ATM: variants seen among roughly 807,000 people sequenced by gnomAD.
The protein encoded by ATM is ATM serine/threonine kinase.
Under a neutral mutation model 387.0 loss-of-function variants are expected in ATM, and 308 were observed. That is an observed-to-expected ratio of 0.80 (90% CI 0.73 to 0.87). ATM has a LOEUF of 0.87. ATM is among the 40% of genes least tolerant of loss of function. The pLI is 0.00. For missense variants in ATM, 3,312 were observed against 3,560.9 expected (o/e 0.93, Z 1.78); for synonymous variants, 1,156 against 1,187.3 (o/e 0.97, Z 0.54).
At chr11:108,289,523 G>T in intron 28 of ATM, 79 bp from the exon 29 acceptor site, 1 of 1,078,034 alleles carries the variant, frequency 9.3e-7, no homozygotes, top group South Asian at 1.7e-5. Flanking sequence ...TCAAATATTT[G>T]AAGAAAAAAT....
intron 37 of ATM, among the ~76,000 whole-genome samples, chr11:108,306,470 A>C (rs1212934865): frequency 6.6e-6 from 1 of 152,250 alleles, no homozygotes; most frequent in East Asian, 1.9e-4. Context: ...TTTTTATTAC[A>C]TAGTTTAAGG....
At chr11:108,273,671 G>A (rs910494710) in intron 22 of ATM, among the ~76,000 whole-genome samples, 2 of 152,066 alleles carry the variant, frequency 1.3e-5, no homozygotes, top group Non-Finnish European at 2.9e-5. Flanking sequence ...TTATGTGATG[G>A]ATTATGTTTA....
chr11:108,356,449 T>G (rs2089930162), intron 61 of ATM, among the ~76,000 whole-genome samples: 1 of 149,954 alleles, frequency 6.7e-6, no homozygotes, highest in Non-Finnish European at 1.5e-5. Context: ...GGCAGGAGAA[T>G]CGCTTGAACC....
In ATM at chr11:108,316,128, A is replaced by G. The variant is rs746410206; in HGVS notation, c.6198+15A>G. On this transcript the variant is annotated intron_variant, in intron 42 of 62. Transcript: ENST00000675843. ...GAATCATTCAGGTACATTTTTTCCC[A>G]GATTTGGTAAAGCCATCACTAGTGT... is the stretch of plus-strand genomic sequence containing the variant. 6.2e-7 allele frequency: 1 copy of G among 1,610,254 alleles called. No homozygotes were observed. The highest frequency in any genetic ancestry group is 8.5e-7 in the Non-Finnish European group (1 of 1,176,624).
chr11:108,235,040 T>A (rs1305003730), intron 4 of ATM, among the ~76,000 whole-genome samples: 1 of 152,150 alleles, frequency 6.6e-6, no homozygotes, highest in Non-Finnish European at 1.5e-5. Context: ...AAGGTTATAA[T>A]TGTTTAAGAA....
chr11:108,313,183 CTTTGT>C (rs924804931), intron 40 of ATM, among the ~76,000 whole-genome samples: 16 of 152,302 alleles, frequency 1.1e-4, no homozygotes, highest in African/African-American at 3.8e-4. Flanking sequence ...TCTTCCTGTG[CTTTGT>C]TTTTTTATCT....
At position 108,309,189 on chromosome 11, in the gene ATM, A is replaced by T. The variant is rs4988066; in HGVS notation, c.5763-971A>T. 3.7e-3 allele frequency: 2,062 copies of T among 562,304 alleles called. 40 individuals are homozygous for T. Among genetic ancestry groups the T allele is most frequent in the African/African-American group, 0.035 (1,857 of 53,424 alleles). 34.8% of individuals were successfully genotyped at this position (562,304 alleles called of 1,614,324 possible). ...ACAGTATGTTGGGCAAAAACAAAGA[A>T]CAACAATAAAACAACAACAACAAAA... On this transcript the variant is annotated intron_variant, in intron 38 of 62. Transcript: ENST00000675843.
In ATM at chr11:108,335,076, T is replaced by C. The variant is rs1057520990; in HGVS notation, c.8118T>C (p.Gly2706=). 1 of 1,614,102 alleles carries C rather than the reference T, an allele frequency of 6.2e-7. No individual in the cohort carries two copies. Among genetic ancestry groups the C allele is most frequent in the African/African-American group, 1.3e-5 (1 of 75,042 alleles). The change falls in exon 55 of 63, where the codon GGT becomes GGC. Residue 2706 remains glycine, a synonymous_variant. Coordinates refer to ENST00000675843, the MANE Select transcript of ATM (RefSeq NM_000051.4). ...VNLPKIIDCV[G]SDGKERRQLV... is the part of the protein sequence containing the mutation. ...TACCAAAAATAATAGATTGTGTAGGTTCCGATGGCAAGGAGAGGAGACAGC... is the reference window on the plus strand; with the variant it reads ...TACCAAAAATAATAGATTGTGTAGGCTCCGATGGCAAGGAGAGGAGACAGC...
intron 26 of ATM, chr11:108,287,376 T>C (rs1190127468): frequency 1.4e-5 from 5 of 359,740 alleles, no homozygotes; most frequent in African/African-American, 4.2e-5. Context: ...TAAGGGGGCC[T>C]TGTTTGGCTG....
At chr11:108,257,404 A>AT in intron 14 of ATM, 77 bp from the exon 15 acceptor site, 1 of 1,548,134 alleles carries the variant, frequency 6.5e-7, no homozygotes, top group Non-Finnish European at 8.8e-7. Flanking sequence ...TATGTCCAAG[A>AT]TCAAAGTACA....
intron 40 of ATM, among the ~76,000 whole-genome samples, chr11:108,313,440 A>G (rs2084342238): frequency 6.6e-6 from 1 of 152,128 alleles, no homozygotes; most frequent in Non-Finnish European, 1.5e-5. Context: ...TTCCAGTAAA[A>G]TAGCACTTGC....
At chr11:108,223,598 G>T (rs2078594645) in intron 1 of ATM, 1 of 152,224 alleles carries the variant, frequency 6.6e-6, no homozygotes, top group African/African-American at 2.4e-5. Flanking sequence ...TGTCAGTCGT[G>T]TGGCCGCTCT....
In ATM at chr11:108,287,771, G is replaced by T. The variant is rs555315909; in HGVS notation, c.4109+56G>T. The T allele has an allele frequency of 2.7e-5, 34 of 1,267,086 alleles. No individual in the cohort carries two copies. The South Asian group carries it at 3.2e-4, about 12-fold the overall frequency. 78.5% of individuals were successfully genotyped at this position (1,267,086 alleles called of 1,614,324 possible). On this transcript the variant is annotated intron_variant, in intron 27 of 62. Coordinates refer to ENST00000675843, the MANE Select transcript of ATM (RefSeq NM_000051.4). ...TCTAACTTCACAAGTTTTTAAAGAAGTTTATTGGTTGACACCTTCAATGTC... is the reference window on the plus strand; with the variant it reads ...TCTAACTTCACAAGTTTTTAAAGAATTTTATTGGTTGACACCTTCAATGTC...
chr11:108,317,618 TA>T (rs2084819895), intron 43 of ATM, 97 bp downstream of exon 43: 2 of 26,754 alleles, frequency 7.5e-5, no homozygotes, highest in African/African-American at 1.2e-4. Context: ...AGTTGTTTTA[TA>T]TATATATATA....
At position 108,345,918 on chromosome 11, in the gene ATM, T is replaced by C. The variant is rs373321041; in HGVS notation, c.8584+10T>C. ...GCTACTTCTTCTATTGGTAATCTTC[T>C]TGTACATATAGTAGATTGAGCACTT... is the stretch of plus-strand genomic sequence containing the variant. On this transcript the variant is annotated intron_variant, in intron 58 of 62. Coordinates refer to ENST00000675843, the MANE Select transcript of ATM (RefSeq NM_000051.4). 2.8e-5 allele frequency: 45 copies of C among 1,613,400 alleles called. No individual in the cohort carries two copies. The African/African-American group carries it at 5.2e-4, about 19-fold the overall frequency.
chr11:108,321,534 G>T, intron 45 of ATM, 114 bp downstream of exon 45: 2 of 1,493,672 alleles, frequency 1.3e-6, no homozygotes, highest in African/African-American at 1.4e-5. Context: ...TGTAATCCTA[G>T]CACTTTAGAA....
rs2082210652 is a variant in ATM at position 108,281,107 on chromosome 11, C to T, written c.3515C>T (p.Ala1172Val). Residue 1172 changes from alanine (A) to valine (V), a missense_variant, in exon 24 of 63, where the codon GCT (alanine) becomes GTT (valine). Ala to Val is a moderately conservative substitution (Grantham distance 64). This residue lies in a region of ATM where 1,791 missense variants were observed against 1,804.5 expected (regional missense o/e 0.99). Coordinates refer to ENST00000675843, the MANE Select transcript of ATM (RefSeq NM_000051.4). Reference sequence around the variant, plus strand: ...TGTAGCCCTATCTGCGAAAAACAGGCTTTGTTTGCCCTGTGTAAATCTGTG... The same window carrying T: ...TGTAGCCCTATCTGCGAAAAACAGGTTTTGTTTGCCCTGTGTAAATCTGTG... ...LSCSPICEKQ[A>V]LFALCKSVKE... 6.2e-7 allele frequency: 1 copy of T among 1,613,954 alleles called. No homozygotes were observed. The highest frequency in any genetic ancestry group is 1.3e-5 in the African/African-American group (1 of 75,014).
chr11:108,365,583 A>G lies in ATM; in HGVS notation c.*75A>G, dbSNP rs1246087713. 1.3e-5 allele frequency: 19 copies of G among 1,501,676 alleles called. No individual in the cohort carries two copies. The highest frequency in any genetic ancestry group is 1.7e-5 in the Non-Finnish European group (19 of 1,102,182). The allele number at this position is 1,501,676 out of a possible 1,614,324, so 93.0% of individuals were successfully genotyped here. On this transcript the variant is annotated 3_prime_UTR_variant, in exon 63 of 63. Transcript: ENST00000675843. ...TAGCCTTTATTTTTAACCTGCCAAC[A>G]TACTTTAAGTAGGGATTAATATTTA...
rs879254041 is a variant in ATM, at chr11:108,302,948, GA to G, written c.5416del (p.Ile1806Ter). The G allele has an allele frequency of 2.5e-6, 4 of 1,613,442 alleles. No individual in the cohort carries two copies. The highest frequency in any genetic ancestry group is 3.4e-6 in the Non-Finnish European group (4 of 1,179,510). ...IPLSENHDIWIKTLTCAFLDS... is the reference protein window; with the variant it reads ...IPLSENHDIWXKTLTCAFLDS... ...CTCTAAGTGAAAATCATGACATTTG[GA>G]TAAAGACACTGACTTGTGCTTTTTT... is the stretch of plus-strand genomic sequence containing the variant. On this transcript the variant is annotated frameshift_variant, in exon 36 of 63. Coordinates refer to ENST00000675843, the MANE Select transcript of ATM (RefSeq NM_000051.4). LOFTEE classifies it high-confidence loss of function.
Sources: allele counts gnomAD v4.1 joint callset (sites outside exome capture counted in the v4.1 genomes callset), GRCh38; gene constraint gnomAD v4.1.1; regional missense constraint gnomAD v4.1.1; transcripts MANE v1.5; gene names NCBI Gene and HGNC (gene_info 2026-07-23, HGNC 2026-07-21).